Variants in LIN9 observed in about 807,000 individuals in gnomAD.
LIN9 encodes lin-9 DREAM MuvB core complex component, also known as protein lin-9 homolog.
LIN9 carries 18 observed loss-of-function variants against 78.0 expected under a neutral mutation model. The observed-to-expected ratio is 0.23, with a 90% CI of 0.16 to 0.34. The LOEUF (loss-of-function observed/expected upper bound fraction) is 0.34, where lower values mean the gene tolerates loss of function less well. Ranked by LOEUF, LIN9 falls within the 10% of genes least tolerant of loss-of-function variation. The pLI is 1.00. For synonymous variants in LIN9, 192 were observed against 215.2 expected (o/e 0.89, Z 0.94); for missense variants, 451 against 644.1 (o/e 0.70, Z 3.25).
intron 4 of LIN9, among the ~76,000 whole-genome samples, chr1:226,294,321 C>T (rs1661988140): frequency 6.6e-6 from 1 of 151,316 alleles, no homozygotes; most frequent in Non-Finnish European, 1.5e-5. Context: ...TGGCTCACGC[C>T]TGTAATCCCA....
chr1:226,280,285 C>T (rs1253960596), intron 6 of LIN9, among the ~76,000 whole-genome samples: 1 of 152,072 alleles, frequency 6.6e-6, no homozygotes, highest in Non-Finnish European at 1.5e-5. Context: ...ATATAAAGAC[C>T]AGCACTGTAT....
At chr1:226,240,091 T>C (rs1193630310) in intron 11 of LIN9, among the ~76,000 whole-genome samples, 1 of 152,240 alleles carries the variant, frequency 6.6e-6, no homozygotes, top group Non-Finnish European at 1.5e-5. Context: ...AGAGGTCATC[T>C]AGTTAAGCCA....
At chr1:226,296,248 T>G (rs576505940) in intron 3 of LIN9, among the ~76,000 whole-genome samples, 3 of 152,334 alleles carry the variant, frequency 2.0e-5, no homozygotes, top group African/African-American at 7.2e-5. Context: ...GGAAAATAAG[T>G]TCCGGAAATT....
chr1:226,283,622 A>C (rs1661212549), intron 6 of LIN9, among the ~76,000 whole-genome samples: 1 of 151,894 alleles, frequency 6.6e-6, no homozygotes, highest in African/African-American at 2.4e-5. Context: ...CAAATTTATT[A>C]ATGTTTTCTT....
At position 226,270,643 on chromosome 1, in the gene LIN9, G is replaced by A. The variant is rs545082603; in HGVS notation, c.683-2553C>T. Reference sequence around the variant, plus strand: ...TCAAGACCAGTCTGTGCAACATGGTGAAACCCCATCTCTACAAAAACATAC... The same window carrying A: ...TCAAGACCAGTCTGTGCAACATGGTAAAACCCCATCTCTACAAAAACATAC... On this transcript the variant is annotated intron_variant, in intron 7 of 14. Transcript: ENST00000681046. Among the ~76,000 whole-genome samples the A allele has an allele frequency of 5.3e-5, 8 of 151,992 alleles. No individual in the cohort carries two copies. The South Asian group carries it at 1.7e-3, about 32-fold the overall frequency.
Position 226,266,233 on chromosome 1 carries a change from G to T in LIN9, c.916C>A (p.Pro306Thr). 6.3e-7 allele frequency: 1 copy of T among 1,584,118 alleles called. No homozygotes were observed. The highest frequency in any genetic ancestry group is 1.7e-4 in the Middle Eastern group (1 of 5,938). Residue 306 changes from proline (P) to threonine (T), a missense_variant, in exon 9 of 15, where the codon CCT becomes ACT. Pro to Thr is a conservative substitution (Grantham distance 38). Coordinates refer to ENST00000681046, the MANE Select transcript of LIN9 (RefSeq NM_001366245.2). ...MTPPRLHYTPPLQSPIIDNDP... is the reference protein window; with the variant it reads ...MTPPRLHYTPTLQSPIIDNDP... ...CTTACTATAATTGGTGACTGGAGAG[G>T]AGGAGTATAATGTAACCGTGGTGGG... is the stretch of plus-strand genomic sequence containing the variant.
At chr1:226,279,144 G>T (rs1394087877) in intron 6 of LIN9, among the ~76,000 whole-genome samples, 1 of 151,464 alleles carries the variant, frequency 6.6e-6, no homozygotes, top group African/African-American at 2.4e-5. Context: ...CTGGGCAACA[G>T]AGCGAGACTC....
intron 11 of LIN9, among the ~76,000 whole-genome samples, chr1:226,239,686 G>A (rs1231721815): frequency 6.6e-6 from 1 of 152,148 alleles, no homozygotes; most frequent in African/African-American, 2.4e-5. Flanking sequence ...AAGATTAAAT[G>A]AGATAATACA....
At chr1:226,293,778 A>C (rs1380606934) in intron 4 of LIN9, among the ~76,000 whole-genome samples, 1 of 152,148 alleles carries the variant, frequency 6.6e-6, no homozygotes, top group African/African-American at 2.4e-5. Context: ...GACTCGTCTC[A>C]AACTCCTGAC....
intron 4 of LIN9, among the ~76,000 whole-genome samples, chr1:226,292,950 A>G (rs1661888116): frequency 6.6e-6 from 1 of 152,220 alleles, no homozygotes; most frequent in Non-Finnish European, 1.5e-5. Flanking sequence ...AACCTATCTC[A>G]TAGGAGTTGT....
chr1:226,260,696 G>A lies in LIN9; in HGVS notation c.1038+4837C>T, dbSNP rs1432265564. On this transcript the variant is annotated intron_variant, in intron 10 of 14. Coordinates refer to ENST00000681046, the MANE Select transcript of LIN9 (RefSeq NM_001366245.2). ...GTCTTGCTCTGTCACCCAGGCCGGA[G>A]TGCAGTGGCACGAACTCGGCTCACT... Among the ~76,000 whole-genome samples, 3 of 124,668 alleles carry A rather than the reference G, an allele frequency of 2.4e-5. No homozygotes were observed. In the Admixed American group the frequency reaches 3.1e-4, roughly 13 times the overall value. The allele number at this position is 124,668 out of a possible 152,430, so 81.8% of individuals were successfully genotyped here. A position where few individuals can be genotyped will look rare whatever the true frequency, so the allele number is the denominator to read the frequency against.
At chr1:226,267,852 G>T in intron 8 of LIN9, 105 bp downstream of exon 8, 2 of 1,215,450 alleles carry the variant, frequency 1.6e-6, no homozygotes, top group Non-Finnish European at 2.3e-6. Flanking sequence ...CTCTTCCTCT[G>T]TGAGATAAAG....
In LIN9 at chr1:226,297,820, T is replaced by C; in HGVS notation, c.65-7A>G. The C allele has an allele frequency of 6.5e-7, 1 of 1,530,130 alleles. No homozygotes were observed. Among genetic ancestry groups the C allele is most frequent in the Non-Finnish European group, 8.8e-7 (1 of 1,131,472 alleles). 94.8% of individuals were successfully genotyped at this position (1,530,130 alleles called of 1,614,324 possible). A position where few individuals can be genotyped will look rare whatever the true frequency, so the allele number is the denominator to read the frequency against. On this transcript the variant is annotated splice_polypyrimidine_tract_variant and splice_region_variant and intron_variant, in intron 2 of 14. Transcript: ENST00000681046. ...GTGTTAGATAAGCTTCCTTCTGTAA[T>C]AAATAGTTAATACTAATGGAATTTT...
intron 8 of LIN9, among the ~76,000 whole-genome samples, chr1:226,266,537 A>C (rs535445159): frequency 2.6e-5 from 4 of 151,138 alleles, no homozygotes; most frequent in Admixed American, 6.6e-5. Context: ...GTATGAAAAC[A>C]CTACTTTGCT....
At chr1:226,309,236 C>T, upstream of LIN9, 3 of 1,389,318 alleles carry the variant, frequency 2.2e-6, no homozygotes, top group Non-Finnish European at 1.9e-6. Context: ...GCGGAGCTCG[C>T]TGCCCGCGGC....
chr1:226,252,667 C>T (rs916011126), intron 10 of LIN9, among the ~76,000 whole-genome samples: 1 of 151,990 alleles, frequency 6.6e-6, no homozygotes, highest in African/African-American at 2.4e-5. Context: ...ATTGTAGTTA[C>T]GTTGCTTAAA....
At chr1:226,273,124 C>G (rs2102930800) in intron 7 of LIN9, among the ~76,000 whole-genome samples, 1 of 151,920 alleles carries the variant, frequency 6.6e-6, no homozygotes, top group South Asian at 2.1e-4. Context: ...GTTTATAGTT[C>G]ATTGGCATTT....
At chr1:226,287,568 C>G in intron 5 of LIN9, 96 bp downstream of exon 5, 1 of 746,710 alleles carries the variant, frequency 1.3e-6, no homozygotes, top group South Asian at 2.3e-5. Context: ...AAAATAAGAT[C>G]AAAGTAGACC....
chr1:226,275,070 T>C (rs1160763581), intron 7 of LIN9, among the ~76,000 whole-genome samples: 1 of 151,984 alleles, frequency 6.6e-6, no homozygotes, highest in Non-Finnish European at 1.5e-5. Flanking sequence ...GGGTGTTGAA[T>C]TTTTTTCTTG....
Sources: allele counts gnomAD v4.1 joint callset (sites outside exome capture counted in the v4.1 genomes callset), GRCh38; gene constraint gnomAD v4.1.1; transcripts MANE v1.5; gene names NCBI Gene and HGNC (gene_info 2026-07-23, HGNC 2026-07-21).